The following CXCL13 variants were observed in gnomAD, a reference collection of about 807,000 sequenced individuals.
The protein encoded by CXCL13 is C-X-C motif chemokine 13.
CXCL13 carries 7 observed loss-of-function variants against 12.2 expected under a neutral mutation model. The observed-to-expected ratio is 0.57, with a 90% CI of 0.33 to 1.07. The LOEUF (loss-of-function observed/expected upper bound fraction) is 1.07, where lower values mean the gene tolerates loss of function less well. CXCL13 is among the 50% of genes least tolerant of loss of function. The pLI is 0.04. For missense variants in CXCL13, 113 were observed against 127.4 expected (o/e 0.89, Z 0.55); for synonymous variants, 47 against 42.4 (o/e 1.11, Z -0.42).
chr4:77,579,484 T>G (rs908428813), intron 1 of CXCL13, among the ~76,000 whole-genome samples: 8 of 152,188 alleles, frequency 5.3e-5, no homozygotes, highest in African/African-American at 1.7e-4. Flanking sequence ...TATATTCTAA[T>G]TAGAAAGTTA....
intron 1 of CXCL13, among the ~76,000 whole-genome samples, chr4:77,580,312 T>C (rs1405863418): frequency 1.5e-3 from 112 of 74,050 alleles, no homozygotes; most frequent in African/African-American, 6.6e-3. Flanking sequence ...TTCTTTCTTT[T>C]TTTTTTTTTT....
intron 1 of CXCL13, among the ~76,000 whole-genome samples, chr4:77,519,609 T>C (rs986836905): frequency 8.5e-5 from 13 of 152,238 alleles, no homozygotes; most frequent in African/African-American, 3.1e-4. Flanking sequence ...AGATTCTGGA[T>C]ATTAGCCCTT....
intron 1 of CXCL13, among the ~76,000 whole-genome samples, chr4:77,583,448 T>C (rs2109826105): frequency 6.6e-6 from 1 of 152,244 alleles, no homozygotes; most frequent in South Asian, 2.1e-4. Flanking sequence ...CTGCCTCCAA[T>C]AGAGAAGGAA....
chr4:77,610,730 C>A (rs1483763581), intron 3 of CXCL13, 36 bp downstream of exon 3: 12 of 1,476,524 alleles, frequency 8.1e-6, no homozygotes, highest in Non-Finnish European at 1.1e-5. Context: ...CAGATTCCAA[C>A]TTGTACTGAA....
At chr4:77,545,733 C>A (rs186715853) in intron 1 of CXCL13, among the ~76,000 whole-genome samples, 31 of 152,260 alleles carry the variant, frequency 2.0e-4, no homozygotes, top group African/African-American at 7.0e-4. Context: ...ATTGAATACC[C>A]TTTATTTCTT....
chr4:77,522,656 T>C (rs1724640988), intron 1 of CXCL13, among the ~76,000 whole-genome samples: 1 of 151,802 alleles, frequency 6.6e-6, no homozygotes, highest in Non-Finnish European at 1.5e-5. Context: ...GTCTTGTTTC[T>C]TTATCCAATT....
intron 1 of CXCL13, among the ~76,000 whole-genome samples, chr4:77,578,489 G>T (rs1190046223): frequency 6.6e-6 from 1 of 152,172 alleles, no homozygotes; most frequent in African/African-American, 2.4e-5. Flanking sequence ...AAGGGGAAGG[G>T]TCCCTGGAGA....
chr4:77,571,458 C>T (rs1306967377), intron 1 of CXCL13, among the ~76,000 whole-genome samples: 1 of 149,604 alleles, frequency 6.7e-6, no homozygotes, highest in Non-Finnish European at 1.5e-5. Flanking sequence ...GGTTTGTAAA[C>T]ACACCAATCA....
At chr4:77,582,493 G>A (rs891256186) in intron 1 of CXCL13, among the ~76,000 whole-genome samples, 3 of 152,182 alleles carry the variant, frequency 2.0e-5, no homozygotes, top group South Asian at 2.1e-4. Flanking sequence ...AAAGTGAGGA[G>A]AGAGAGAGCA....
intron 1 of CXCL13, among the ~76,000 whole-genome samples, chr4:77,557,159 A>T (rs1323566911): frequency 6.6e-6 from 1 of 152,216 alleles, no homozygotes; most frequent in Non-Finnish European, 1.5e-5. Context: ...AATGTTGTTG[A>T]TTTATTCATT....
intron 1 of CXCL13, among the ~76,000 whole-genome samples, chr4:77,551,596 G>C (rs1014293145): frequency 1.3e-5 from 2 of 152,072 alleles, no homozygotes; most frequent in Admixed American, 6.6e-5. Flanking sequence ...GATGACACTC[G>C]TTTTGTATAG....
At chr4:77,521,399 T>G (rs1182699145) in intron 1 of CXCL13, among the ~76,000 whole-genome samples, 1 of 152,160 alleles carries the variant, frequency 6.6e-6, no homozygotes, top group African/African-American at 2.4e-5. Flanking sequence ...TCAGAGACTG[T>G]TATTGGTCTA....
intron 1 of CXCL13, among the ~76,000 whole-genome samples, chr4:77,543,470 A>T (rs1039534954): frequency 2.0e-5 from 3 of 152,038 alleles, no homozygotes; most frequent in Admixed American, 6.6e-5. Flanking sequence ...AGATCTTTCC[A>T]ACTTTTTGAC....
At chr4:77,516,308 T>C (rs1384625690) in intron 1 of CXCL13, among the ~76,000 whole-genome samples, 1 of 152,248 alleles carries the variant, frequency 6.6e-6, no homozygotes, top group Admixed American at 6.5e-5. Flanking sequence ...GGTGTCAGGA[T>C]GATGCTGGCC....
At chr4:77,583,201 C>T (rs1472199892) in intron 1 of CXCL13, among the ~76,000 whole-genome samples, 1 of 152,172 alleles carries the variant, frequency 6.6e-6, no homozygotes, top group African/African-American at 2.4e-5. Context: ...CTAGAAATTG[C>T]TCTTAGGGCT....
At chr4:77,529,902 G>A (rs942140579) in intron 1 of CXCL13, among the ~76,000 whole-genome samples, 3 of 152,126 alleles carry the variant, frequency 2.0e-5, no homozygotes, top group African/African-American at 7.2e-5. Context: ...GTATGATATT[G>A]GTTGTGAGTT....
chr4:77,538,987 G>C (rs1560519285), intron 1 of CXCL13, among the ~76,000 whole-genome samples: 3 of 152,086 alleles, frequency 2.0e-5, no homozygotes, highest in Non-Finnish European at 2.9e-5. Context: ...TTTAGAGCAG[G>C]AATGAAAGTG....
intron 1 of CXCL13, among the ~76,000 whole-genome samples, chr4:77,561,196 A>C (rs1390279632): frequency 6.6e-6 from 1 of 152,208 alleles, no homozygotes; most frequent in East Asian, 1.9e-4. Flanking sequence ...ACCTTGCTGC[A>C]AAAAGTGTGG....
At chr4:77,545,780 C>G (rs937087303) in intron 1 of CXCL13, among the ~76,000 whole-genome samples, 31 of 152,194 alleles carry the variant, frequency 2.0e-4, no homozygotes, top group Admixed American at 1.4e-3. Context: ...ACTTCCAACA[C>G]TATGTTGAAT....
Sources: allele counts gnomAD v4.1 joint callset (sites outside exome capture counted in the v4.1 genomes callset), GRCh38; gene constraint gnomAD v4.1.1; transcripts MANE v1.5; gene names NCBI Gene and HGNC (gene_info 2026-07-23, HGNC 2026-07-21).